Variants in LSAMP observed in about 807,000 individuals in gnomAD.
The protein encoded by LSAMP is limbic system associated membrane protein.
LSAMP carries 7 observed loss-of-function variants against 38.6 expected under a neutral mutation model. That is an observed-to-expected ratio of 0.18 (90% confidence interval 0.10 to 0.34). LSAMP has a LOEUF of 0.34. Among genes scored for constraint, LSAMP ranks in the 10% least tolerant of loss-of-function variants. The pLI is 1.00. For synonymous variants in LSAMP, 154 were observed against 166.8 expected, an observed-to-expected ratio of 0.92 and a Z score of 0.59; for missense variants, 313 against 420.0, an observed-to-expected ratio of 0.75 and a Z score of 2.23.
chr3:116,308,954 A>T (rs937423391), intron 1 of LSAMP, among the ~76,000 whole-genome samples: 1 of 152,116 alleles, frequency 6.6e-6, no homozygotes, highest in Admixed American at 6.6e-5. Context: ...AATTTACAGT[A>T]GCCTATAATT....
intron 1 of LSAMP, among the ~76,000 whole-genome samples, chr3:116,220,004 G>A (rs1043636995): frequency 3.3e-5 from 5 of 152,082 alleles, no homozygotes; most frequent in Admixed American, 1.3e-4. Context: ...GTGAAGTCCT[G>A]TCTCTACTAA....
At position 116,434,840 on chromosome 3, in the gene LSAMP, C is replaced by T. The variant is rs138952076; in HGVS notation, c.155+10037G>A. 3.9e-3 allele frequency among the ~76,000 whole-genome samples: 589 copies of T among 152,236 alleles called. 5 individuals are homozygous for T. The highest frequency in any genetic ancestry group is 0.013 in the African/African-American group (558 of 41,546). On this transcript the variant is annotated intron_variant, in intron 1 of 6. Coordinates refer to ENST00000490035, the MANE Select transcript of LSAMP (RefSeq NM_002338.5). ...GTTGGGATTACAGCGTGAGCCACTG[C>T]GCTCGGCCGGGGCTTTGACTTTATG...
chr3:115,874,521 C>T (rs1936132269), intron 3 of LSAMP, among the ~76,000 whole-genome samples: 1 of 152,056 alleles, frequency 6.6e-6, no homozygotes, highest in South Asian at 2.1e-4. Flanking sequence ...GTCTCTGCTC[C>T]AGGCCCATTT....
At chr3:116,167,005 A>T (rs928801632) in intron 1 of LSAMP, among the ~76,000 whole-genome samples, 1 of 151,750 alleles carries the variant, frequency 6.6e-6, no homozygotes, top group African/African-American at 2.4e-5. Flanking sequence ...GTTAGCCAGG[A>T]TGGTCTTGAT....
intron 1 of LSAMP, among the ~76,000 whole-genome samples, chr3:116,111,809 T>C (rs755713176): frequency 4.0e-4 from 61 of 152,370 alleles, no homozygotes; most frequent in Middle Eastern, 3.4e-3. Context: ...GAAAGAGATA[T>C]ATTAGCTAGC....
chr3:116,414,176 A>C (rs1334684817), intron 1 of LSAMP, among the ~76,000 whole-genome samples: 1 of 151,954 alleles, frequency 6.6e-6, no homozygotes, highest in Non-Finnish European at 1.5e-5. Context: ...TGGAGGGTAA[A>C]TTTTATACCT....
At chr3:115,928,596 T>C (rs1937526694) in intron 3 of LSAMP, among the ~76,000 whole-genome samples, 1 of 152,234 alleles carries the variant, frequency 6.6e-6, no homozygotes, top group East Asian at 1.9e-4. Flanking sequence ...TGTGAATCTC[T>C]AGAGATGTTT....
At chr3:115,846,607 A>G (rs1479143625) in intron 4 of LSAMP, among the ~76,000 whole-genome samples, 1 of 152,218 alleles carries the variant, frequency 6.6e-6, no homozygotes, top group East Asian at 1.9e-4. Flanking sequence ...ATAGAGGGTT[A>G]GTAAGTTGTC....
chr3:116,076,513 T>C (rs1707747396), intron 2 of LSAMP, among the ~76,000 whole-genome samples: 1 of 152,142 alleles, frequency 6.6e-6, no homozygotes, highest in Non-Finnish European at 1.5e-5. Context: ...CACCTCAGCC[T>C]CCCAAAGTGC....
intron 1 of LSAMP, among the ~76,000 whole-genome samples, chr3:116,102,781 A>ATCTGTCTGTCTGTCTG (rs1194146060): frequency 2.7e-5 from 4 of 150,542 alleles, no homozygotes; most frequent in African/African-American, 1.0e-4. Context: ...CTATCTATCT[A>ATCTGTCTGTCTGTCTG]TCTATCTGTC....
At chr3:116,127,579 A>G (rs572669409) in intron 1 of LSAMP, among the ~76,000 whole-genome samples, 5 of 152,284 alleles carry the variant, frequency 3.3e-5, no homozygotes, top group African/African-American at 7.2e-5. Context: ...AAATACTCAC[A>G]TTTAAAAATA....
At chr3:116,199,910 G>A (rs1039710705) in intron 1 of LSAMP, among the ~76,000 whole-genome samples, 8 of 152,152 alleles carry the variant, frequency 5.3e-5, no homozygotes, top group African/African-American at 1.9e-4. Context: ...TTTATATTGG[G>A]TGGCAGATCT....
At chr3:116,290,257 GT>G (rs2047246647) in intron 1 of LSAMP, among the ~76,000 whole-genome samples, 1 of 152,144 alleles carries the variant, frequency 6.6e-6, no homozygotes, top group South Asian at 2.1e-4. Flanking sequence ...GTATGTGGTA[GT>G]TTCTTTCAAT....
chr3:116,064,304 T>A (rs1941644874), intron 2 of LSAMP, among the ~76,000 whole-genome samples: 1 of 152,144 alleles, frequency 6.6e-6, no homozygotes. Flanking sequence ...GGCAGGCATA[T>A]CACCTAAGGT....
At chr3:116,150,644 G>A (rs1448728376) in intron 1 of LSAMP, among the ~76,000 whole-genome samples, 4 of 151,944 alleles carry the variant, frequency 2.6e-5, no homozygotes. Context: ...AGTTTGGTAA[G>A]TGATGCGCAG....
intron 1 of LSAMP, among the ~76,000 whole-genome samples, chr3:116,223,509 A>G (rs1271780102): frequency 6.6e-6 from 1 of 152,232 alleles, no homozygotes; most frequent in East Asian, 1.9e-4. Context: ...ATATGTAAGA[A>G]TAAGAAAACT....
At chr3:116,030,972 A>AT (rs1367596660) in intron 2 of LSAMP, among the ~76,000 whole-genome samples, 3 of 151,754 alleles carry the variant, frequency 2.0e-5, no homozygotes, top group East Asian at 1.9e-4. Flanking sequence ...CAACCAAAAT[A>AT]TTTTTTTCTG....
At chr3:116,203,052 T>C (rs2046009625) in intron 1 of LSAMP, among the ~76,000 whole-genome samples, 2 of 152,352 alleles carry the variant, frequency 1.3e-5, no homozygotes, top group African/African-American at 4.8e-5. Flanking sequence ...CCTCTAGTTT[T>C]AGAGAATCAT....
intron 1 of LSAMP, among the ~76,000 whole-genome samples, chr3:116,198,859 CTT>C (rs995418117): frequency 1.8e-4 from 28 of 152,020 alleles, no homozygotes; most frequent in African/African-American, 6.8e-4. Flanking sequence ...AGGAGGGTCA[CTT>C]GAGCTCCGGA....
Sources: gnomAD v4.1 joint callset for allele counts (sites outside exome capture counted in the v4.1 genomes callset) on GRCh38, gnomAD v4.1.1 for gene constraint, MANE v1.5 for transcripts, NCBI Gene and HGNC (gene_info 2026-07-23, HGNC 2026-07-21) for gene names.